DNAJC1: variants seen among roughly 807,000 people sequenced by gnomAD.
DNAJC1 encodes the protein DnaJ heat shock protein family (Hsp40) member C1, also known as dnaJ homolog subfamily C member 1.
DNAJC1 carries 58 observed loss-of-function variants against 76.6 expected under a neutral mutation model. The ratio of observed to expected loss-of-function variants is 0.76; its 90% CI spans 0.61 to 0.94. The LOEUF is 0.94. Among genes scored for constraint, DNAJC1 ranks in the 40% least tolerant of loss-of-function variants. DNAJC1 has a pLI of 0.00. For missense variants in DNAJC1, 689 were observed against 677.3 expected, an observed-to-expected ratio of 1.02 and a Z score of -0.19; for synonymous variants, 258 against 267.9, an observed-to-expected ratio of 0.96 and a Z score of 0.36.
intron 9 of DNAJC1, among the ~76,000 whole-genome samples, chr10:21,766,968 TAAAA>T (rs1275709137): frequency 4.3e-5 from 3 of 69,874 alleles, no homozygotes; most frequent in South Asian, 4.9e-4. Context: ...AGACCCTGCC[TAAAA>T]AAAAAAAAAA....
chr10:21,786,033 C>A (rs1468802384), intron 9 of DNAJC1, among the ~76,000 whole-genome samples: 1 of 151,986 alleles, frequency 6.6e-6, no homozygotes, highest in Non-Finnish European at 1.5e-5. Context: ...TGCTTTTGGA[C>A]GAGTAGATTC....
intron 1 of DNAJC1, among the ~76,000 whole-genome samples, chr10:21,961,137 G>A (rs1227025386): frequency 6.6e-6 from 1 of 152,206 alleles, no homozygotes; most frequent in Non-Finnish European, 1.5e-5. Context: ...GGCTCCAACA[G>A]TGCAACTGCT....
At position 22,003,612 on chromosome 10, in the gene DNAJC1, T is replaced by C. The variant is rs974679451; in HGVS notation, c.-178A>G. 26 of 680,470 alleles carry C rather than the reference T, an allele frequency of 3.8e-5. No individual in the cohort carries two copies. In the African/African-American group the frequency reaches 4.5e-4, roughly 12 times the overall value. 42.2% of individuals were successfully genotyped at this position (680,470 alleles called of 1,614,324 possible). A position where few individuals can be genotyped will look rare whatever the true frequency, so the allele number is the denominator to read the frequency against. Reference sequence around the variant, plus strand: ...GAGCGCGGAGGCGGCGGGAGCCGGCTGCCGGACGGGCGGGTGGGTAGGCGG... The same window carrying C: ...GAGCGCGGAGGCGGCGGGAGCCGGCCGCCGGACGGGCGGGTGGGTAGGCGG... On this transcript the variant is annotated 5_prime_UTR_variant, in exon 1 of 12. Transcript: ENST00000376980.
chr10:21,885,340 C>T (rs1173220156), intron 7 of DNAJC1, among the ~76,000 whole-genome samples: 1 of 152,096 alleles, frequency 6.6e-6, no homozygotes, highest in Non-Finnish European at 1.5e-5. Flanking sequence ...ATTCATAAAG[C>T]GAGTTCTTAG....
intron 8 of DNAJC1, among the ~76,000 whole-genome samples, chr10:21,813,188 CTCTCTCT>C (rs1835007183): frequency 2.3e-5 from 1 of 43,850 alleles, no homozygotes; most frequent in South Asian, 7.9e-4. Context: ...CTCTCTCTCT[CTCTCTCT>C]CTCTCTCTCT....
intron 8 of DNAJC1, among the ~76,000 whole-genome samples, chr10:21,855,868 T>G (rs1835826553): frequency 6.8e-6 from 1 of 146,278 alleles, no homozygotes; most frequent in African/African-American, 2.5e-5. Flanking sequence ...TTTCAAGTCA[T>G]TTTGCTAGGC....
intron 10 of DNAJC1, among the ~76,000 whole-genome samples, chr10:21,765,194 T>C (rs746392686): frequency 2.0e-5 from 3 of 152,212 alleles, no homozygotes; most frequent in Non-Finnish European, 4.4e-5. Context: ...TGCTAAAGCC[T>C]GGAGAACTCC....
intron 1 of DNAJC1, among the ~76,000 whole-genome samples, chr10:21,946,424 G>A (rs1837506264): frequency 6.6e-6 from 1 of 151,980 alleles, no homozygotes; most frequent in African/African-American, 2.4e-5. Flanking sequence ...AAGTCAAAGT[G>A]AGATACCACT....
chr10:21,883,034 G>A (rs1836307882), intron 7 of DNAJC1, among the ~76,000 whole-genome samples: 1 of 152,044 alleles, frequency 6.6e-6, no homozygotes, highest in Non-Finnish European at 1.5e-5. Flanking sequence ...TGCATCACTG[G>A]AGGCCAGGAG....
intron 8 of DNAJC1, among the ~76,000 whole-genome samples, chr10:21,859,519 C>T (rs1835889708): frequency 6.6e-6 from 1 of 152,026 alleles, no homozygotes; most frequent in Non-Finnish European, 1.5e-5. Flanking sequence ...CAGTAAAAAT[C>T]AACAGTTTTC....
intron 1 of DNAJC1, among the ~76,000 whole-genome samples, chr10:21,996,320 G>C (rs772459338): frequency 2.0e-5 from 3 of 152,174 alleles, no homozygotes; most frequent in Admixed American, 6.5e-5. Flanking sequence ...CACTGAGAGA[G>C]AGCATAACAA....
chr10:21,870,970 T>C (rs369561251), intron 8 of DNAJC1, among the ~76,000 whole-genome samples: 1 of 120,798 alleles, frequency 8.3e-6, no homozygotes, highest in African/African-American at 3.0e-5. Flanking sequence ...CAGAATGAAC[T>C]AACTTGCAAA....
At chr10:21,893,946 T>A (rs1322182441) in intron 7 of DNAJC1, among the ~76,000 whole-genome samples, 2 of 151,974 alleles carry the variant, frequency 1.3e-5, no homozygotes, top group Non-Finnish European at 2.9e-5. Flanking sequence ...AGACAAAAGT[T>A]ACCTATATTA....
chr10:21,936,822 G>GA (rs1467320689), intron 1 of DNAJC1, among the ~76,000 whole-genome samples: 4 of 151,264 alleles, frequency 2.6e-5, no homozygotes, highest in Non-Finnish European at 5.9e-5. Context: ...TAGTACACTA[G>GA]AAAAAAAACT....
At chr10:21,810,495 A>G (rs938697438) in intron 8 of DNAJC1, among the ~76,000 whole-genome samples, 3 of 152,166 alleles carry the variant, frequency 2.0e-5, no homozygotes, top group Non-Finnish European at 4.4e-5. Flanking sequence ...CATCACACCC[A>G]TTGTTCTAAA....
chr10:21,766,180 A>G (rs1834297771), intron 10 of DNAJC1, 81 bp downstream of exon 10: 2 of 1,081,116 alleles, frequency 1.8e-6, no homozygotes, highest in Non-Finnish European at 2.8e-6. Flanking sequence ...AGACCCTTGT[A>G]TTTAAAGAAG....
intron 1 of DNAJC1, among the ~76,000 whole-genome samples, chr10:21,976,624 CAT>C (rs1443496322): frequency 6.6e-6 from 1 of 152,180 alleles, no homozygotes; most frequent in African/African-American, 2.4e-5. Context: ...GGAATATGTA[CAT>C]ACTGTATTTC....
chr10:21,907,509 G>A (rs1271730320), intron 6 of DNAJC1, among the ~76,000 whole-genome samples: 1 of 152,010 alleles, frequency 6.6e-6, no homozygotes, highest in African/African-American at 2.4e-5. Flanking sequence ...GACTTTAAAA[G>A]GAAAGTGATT....
chr10:21,875,736 C>T (rs1395985488), intron 8 of DNAJC1, among the ~76,000 whole-genome samples: 1 of 152,072 alleles, frequency 6.6e-6, no homozygotes, highest in Admixed American at 6.6e-5. Flanking sequence ...ACCAGCCTGG[C>T]CAACATGACG....
Sources: gnomAD v4.1 joint callset for allele counts (sites outside exome capture counted in the v4.1 genomes callset) on GRCh38, gnomAD v4.1.1 for gene constraint, MANE v1.5 for transcripts, NCBI Gene and HGNC (gene_info 2026-07-23, HGNC 2026-07-21) for gene names.